Variants in SND1 observed in about 807,000 individuals in gnomAD.
The protein encoded by SND1 is staphylococcal nuclease domain-containing protein 1.
A neutral mutation model predicts 121.7 loss-of-function variants in SND1; 38 were observed. That is an observed-to-expected ratio of 0.31 (90% CI 0.24 to 0.41). SND1 has a LOEUF of 0.41. Ranked by LOEUF, SND1 falls within the 10% of genes least tolerant of loss-of-function variation. The pLI, the probability that SND1 is intolerant of heterozygous loss-of-function variation, is 1.00. For missense variants in SND1, 868 were observed against 1,184.6 expected, an observed-to-expected ratio of 0.73 and a Z score of 3.92; for synonymous variants, 401 against 447.4, an observed-to-expected ratio of 0.90 and a Z score of 1.31.
intron 14 of SND1, among the ~76,000 whole-genome samples, chr7:127,905,702 A>T (rs1423886511): frequency 6.6e-6 from 1 of 152,146 alleles, no homozygotes; most frequent in Non-Finnish European, 1.5e-5. Context: ...TGTTGCCAAG[A>T]CACATACCAT....
intron 2 of SND1, 24 bp downstream of exon 2, chr7:127,686,786 T>G (rs1795821655): frequency 6.2e-7 from 1 of 1,604,726 alleles, no homozygotes; most frequent in Admixed American, 1.7e-5. Flanking sequence ...GAGGCCATCG[T>G]GAGCCTGTGG....
intron 16 of SND1, among the ~76,000 whole-genome samples, chr7:128,014,246 T>C (rs1017341270): frequency 1.3e-5 from 2 of 152,192 alleles, no homozygotes; most frequent in Admixed American, 6.5e-5. Context: ...ACCTGTCTGA[T>C]CAGTAAGTCT....
chr7:127,895,937 T>C (rs955898029), intron 13 of SND1, among the ~76,000 whole-genome samples: 1 of 152,112 alleles, frequency 6.6e-6, no homozygotes, highest in African/African-American at 2.4e-5. Context: ...GAGACTTTTC[T>C]TTATGATTCA....
At chr7:127,888,305 A>T (rs939822283) in intron 13 of SND1, among the ~76,000 whole-genome samples, 1 of 151,982 alleles carries the variant, frequency 6.6e-6, no homozygotes, top group Non-Finnish European at 1.5e-5. Flanking sequence ...TCTATAGGAG[A>T]TATGTTTATC....
At chr7:128,022,209 A>AC (rs1803368157) in intron 16 of SND1, among the ~76,000 whole-genome samples, 1 of 148,908 alleles carries the variant, frequency 6.7e-6, no homozygotes, top group East Asian at 1.9e-4. Context: ...TCTCTCAAAA[A>AC]AAAAAAAAAA....
chr7:127,822,209 G>A (rs762183980), intron 11 of SND1, among the ~76,000 whole-genome samples: 8 of 152,166 alleles, frequency 5.3e-5, no homozygotes, highest in Non-Finnish European at 8.8e-5. Flanking sequence ...GCCTACCCGG[G>A]AAGATACGTT....
intron 16 of SND1, among the ~76,000 whole-genome samples, chr7:127,994,185 T>G (rs1183522086): frequency 1.3e-5 from 2 of 152,212 alleles, no homozygotes; most frequent in East Asian, 3.8e-4. Flanking sequence ...TGAGACCTCA[T>G]AATGCTGCTT....
intron 12 of SND1, among the ~76,000 whole-genome samples, chr7:127,883,554 C>T (rs1410940681): frequency 6.6e-6 from 1 of 152,126 alleles, no homozygotes; most frequent in Non-Finnish European, 1.5e-5. Context: ...TCTATTGTAC[C>T]TCTCCTCAGA....
intron 15 of SND1, among the ~76,000 whole-genome samples, chr7:127,975,794 T>C (rs1361037255): frequency 6.6e-6 from 1 of 152,208 alleles, no homozygotes; most frequent in Non-Finnish European, 1.5e-5. Flanking sequence ...CTGTGCGCTG[T>C]AGCGCCGAGC....
At chr7:127,862,432 T>C (rs1799396031) in intron 12 of SND1, among the ~76,000 whole-genome samples, 1 of 152,182 alleles carries the variant, frequency 6.6e-6, no homozygotes, top group African/African-American at 2.4e-5. Flanking sequence ...ACCCATTCTC[T>C]CTTTCCCCTG....
At chr7:127,986,953 T>C (rs1802405887) in intron 15 of SND1, among the ~76,000 whole-genome samples, 1 of 152,262 alleles carries the variant, frequency 6.6e-6, no homozygotes, top group African/African-American at 2.4e-5. Flanking sequence ...AGTTTGTTTC[T>C]TAAAGGCTTG....
intron 15 of SND1, among the ~76,000 whole-genome samples, chr7:127,942,692 C>A (rs1481582447): frequency 6.6e-6 from 1 of 152,174 alleles, no homozygotes; most frequent in Non-Finnish European, 1.5e-5. Context: ...ACAGGGAAGT[C>A]ATACTGGAGG....
intron 12 of SND1, among the ~76,000 whole-genome samples, chr7:127,868,774 G>A (rs1799523824): frequency 6.6e-6 from 1 of 152,160 alleles, no homozygotes; most frequent in Non-Finnish European, 1.5e-5. Flanking sequence ...TCATTTGCAT[G>A]TAATCTCCAA....
At chr7:127,669,999 ATT>A (rs765413422) in intron 1 of SND1, among the ~76,000 whole-genome samples, 6 of 143,760 alleles carry the variant, frequency 4.2e-5, no homozygotes, top group Admixed American at 7.0e-5. Flanking sequence ...ACTAATTCTA[ATT>A]TTTTTTTTTT....
At chr7:127,749,412 G>A (rs1206519189) in intron 10 of SND1, among the ~76,000 whole-genome samples, 1 of 152,184 alleles carries the variant, frequency 6.6e-6, no homozygotes, top group Non-Finnish European at 1.5e-5. Flanking sequence ...GCTTCCTTCT[G>A]TGGGCTGTCA....
At chr7:127,922,062 C>G (rs1296001049) in intron 14 of SND1, among the ~76,000 whole-genome samples, 1 of 151,712 alleles carries the variant, frequency 6.6e-6, no homozygotes, top group Non-Finnish European at 1.5e-5. Flanking sequence ...GCCATCACTG[C>G]TCACTGTAGC....
intron 16 of SND1, among the ~76,000 whole-genome samples, chr7:127,992,358 A>G (rs1326739474): frequency 6.6e-6 from 1 of 152,226 alleles, no homozygotes; most frequent in Non-Finnish European, 1.5e-5. Context: ...CAAACACTCC[A>G]GTTGTCTATA....
intron 10 of SND1, among the ~76,000 whole-genome samples, chr7:127,747,963 C>T (rs1797010866): frequency 6.6e-6 from 1 of 152,136 alleles, no homozygotes; most frequent in Non-Finnish European, 1.5e-5. Flanking sequence ...CAATGTTCCC[C>T]CTTCCCACCC....
rs78366989 is a variant in SND1, at chr7:127,947,352, A to G, written c.1669+18023A>G. On this transcript the variant is annotated intron_variant, in intron 15 of 23. Coordinates refer to ENST00000354725, the MANE Select transcript of SND1 (RefSeq NM_014390.4). Reference sequence around the variant, plus strand: ...TGAGTTTTTCATGCTGCCCCTAGATATGCCAGGAGCTTTATAATGTTATAT... The same window carrying G: ...TGAGTTTTTCATGCTGCCCCTAGATGTGCCAGGAGCTTTATAATGTTATAT... Among the ~76,000 whole-genome samples the G allele has an allele frequency of 6.1e-4, 93 of 152,348 alleles. 1 individual carries two copies. The highest frequency in any genetic ancestry group is 2.1e-3 in the African/African-American group (89 of 41,582).
Sources: allele counts gnomAD v4.1 joint callset (sites outside exome capture counted in the v4.1 genomes callset), GRCh38; gene constraint gnomAD v4.1.1; transcripts MANE v1.5; gene names NCBI Gene and HGNC (gene_info 2026-07-23, HGNC 2026-07-21).